CSMD1: variants seen among roughly 807,000 people sequenced by gnomAD.
The protein encoded by CSMD1 is CUB and sushi domain-containing protein 1.
A neutral mutation model predicts 417.5 loss-of-function variants in CSMD1; 213 were observed. The ratio of observed to expected loss-of-function variants is 0.51; its 90% CI spans 0.46 to 0.57. The LOEUF (loss-of-function observed/expected upper bound fraction) is 0.57, where lower values mean the gene tolerates loss of function less well. CSMD1 is among the 20% of genes least tolerant of loss of function. The pLI, the probability that CSMD1 is intolerant of heterozygous loss-of-function variation, is 0.00. For synonymous variants in CSMD1, 2,862 were observed against 1,736.8 expected, an observed-to-expected ratio of 1.65 and a Z score of -16.11; for missense variants, 6,923 against 4,529.7, an observed-to-expected ratio of 1.53 and a Z score of -15.17.
At chr8:4,962,114 GT>G (rs5889078) in intron 1 of CSMD1, among the ~76,000 whole-genome samples, 105,770 of 144,860 alleles carry the variant, frequency 0.73, 39,119 homozygotes, top group African/African-American at 0.89. Flanking sequence ...TTTTTTTGTT[GT>G]TTTTTTTTTG....
intron 26 of CSMD1, among the ~76,000 whole-genome samples, chr8:3,257,460 C>G (rs1169405022): frequency 6.6e-6 from 1 of 152,140 alleles, no homozygotes; most frequent in African/African-American, 2.4e-5. Context: ...CAAAATACAA[C>G]CAAGTAATAA....
chr8:4,587,590 A>T (rs575700607), intron 2 of CSMD1, among the ~76,000 whole-genome samples: 3 of 152,304 alleles, frequency 2.0e-5, no homozygotes, highest in East Asian at 3.9e-4. Flanking sequence ...GTGTAAAAGA[A>T]GAAATAAGCT....
chr8:3,149,265 G>T (rs1216197532), intron 40 of CSMD1, among the ~76,000 whole-genome samples: 1 of 151,984 alleles, frequency 6.6e-6, no homozygotes, highest in Non-Finnish European at 1.5e-5. Context: ...AGTAACATTG[G>T]AAAAATAAGT....
intron 8 of CSMD1, among the ~76,000 whole-genome samples, chr8:3,587,530 C>A (rs1212842767): frequency 6.6e-6 from 1 of 151,994 alleles, no homozygotes; most frequent in Non-Finnish European, 1.5e-5. Context: ...GCTTTCCTTT[C>A]TTGCTTAGTG....
intron 3 of CSMD1, among the ~76,000 whole-genome samples, chr8:4,148,056 T>C (rs1398181937): frequency 6.6e-6 from 1 of 151,994 alleles, no homozygotes; most frequent in Non-Finnish European, 1.5e-5. Context: ...GGTAAAGAAA[T>C]ATACAAGCAG....
chr8:4,812,344 T>C (rs1369696789), intron 1 of CSMD1, among the ~76,000 whole-genome samples: 2 of 152,230 alleles, frequency 1.3e-5, no homozygotes, highest in Non-Finnish European at 2.9e-5. Flanking sequence ...ATGCTTCCAG[T>C]CTTTTTGGTA....
chr8:2,967,414 C>T (rs183070186), intron 57 of CSMD1, among the ~76,000 whole-genome samples: 2 of 152,252 alleles, frequency 1.3e-5, no homozygotes, highest in Admixed American at 6.5e-5. Flanking sequence ...CCTCAATTAA[C>T]GATGGTCAGT....
At chr8:4,591,395 G>C (rs917885350) in intron 2 of CSMD1, among the ~76,000 whole-genome samples, 6 of 152,220 alleles carry the variant, frequency 3.9e-5, no homozygotes, top group East Asian at 1.9e-4. Flanking sequence ...AACTATTCCA[G>C]GTGGAGAAGG....
chr8:3,497,524 C>T (rs141009986), intron 10 of CSMD1, among the ~76,000 whole-genome samples: 1 of 152,126 alleles, frequency 6.6e-6, no homozygotes, highest in African/African-American at 2.4e-5. Context: ...CATGTCTCAC[C>T]CTTCTAGGTA....
chr8:3,683,506 A>T (rs1585070490), intron 7 of CSMD1, among the ~76,000 whole-genome samples: 1 of 152,096 alleles, frequency 6.6e-6, no homozygotes, highest in Non-Finnish European at 1.5e-5. Context: ...CCCTCCTCTC[A>T]CTTGGAGGGG....
chr8:2,957,039 G>C (rs1271392151), intron 63 of CSMD1, among the ~76,000 whole-genome samples: 1 of 151,982 alleles, frequency 6.6e-6, no homozygotes, highest in Non-Finnish European at 1.5e-5. Flanking sequence ...TTTTAATACA[G>C]TAAGAATAAG....
At chr8:3,435,334 C>T (rs1047525313) in intron 12 of CSMD1, among the ~76,000 whole-genome samples, 1 of 152,190 alleles carries the variant, frequency 6.6e-6, no homozygotes, top group African/African-American at 2.4e-5. Flanking sequence ...GGGGCTGAAA[C>T]AGATGCCCTG....
At chr8:3,711,162 A>G (rs1801485487) in intron 6 of CSMD1, among the ~76,000 whole-genome samples, 1 of 152,208 alleles carries the variant, frequency 6.6e-6, no homozygotes, top group South Asian at 2.1e-4. Context: ...GGGAGAAACG[A>G]GAGACTGGAA....
chr8:4,609,676 C>T (rs944839967), intron 2 of CSMD1, among the ~76,000 whole-genome samples: 1 of 152,092 alleles, frequency 6.6e-6, no homozygotes, highest in Admixed American at 6.6e-5. Flanking sequence ...TTTTACGCTG[C>T]AGATTGTACA....
chr8:3,189,904 C>A lies in CSMD1; in HGVS notation c.5398+8G>T, dbSNP rs530699474. ...TCTGGCGGGCAGCCGCTTAGGGACA[C>A]TGCTCACCCACACAGCTGGGGATCG... On this transcript the variant is annotated splice_region_variant and intron_variant, in intron 34 of 69. Transcript: ENST00000635120. 2.6e-6 allele frequency: 4 copies of A among 1,567,066 alleles called. No homozygotes were observed. In the South Asian group the frequency reaches 4.7e-5, roughly 18 times the overall value.
chr8:3,117,762 C>G (rs773480776), intron 42 of CSMD1, among the ~76,000 whole-genome samples: 1 of 152,182 alleles, frequency 6.6e-6, no homozygotes, highest in African/African-American at 2.4e-5. Context: ...CACCATCAAA[C>G]GAGAACTTGC....
intron 30 of CSMD1, among the ~76,000 whole-genome samples, chr8:3,210,064 C>T (rs1470804333): frequency 1.3e-5 from 2 of 152,116 alleles, no homozygotes; most frequent in African/African-American, 4.8e-5. Flanking sequence ...AACAAACTGC[C>T]CCAAAATGCA....
intron 23 of CSMD1, among the ~76,000 whole-genome samples, chr8:3,313,809 A>T (rs1805544655): frequency 1.3e-5 from 2 of 152,208 alleles, no homozygotes; most frequent in African/African-American, 4.8e-5. Context: ...TTCTATAAGG[A>T]AACATGCACA....
chr8:4,729,856 C>G (rs1809729719), intron 1 of CSMD1, among the ~76,000 whole-genome samples: 1 of 152,184 alleles, frequency 6.6e-6, no homozygotes, highest in Non-Finnish European at 1.5e-5. Context: ...AAGTCCTAAT[C>G]TTTCTTTTGA....
Sources: allele counts gnomAD v4.1 joint callset (sites outside exome capture counted in the v4.1 genomes callset), GRCh38; gene constraint gnomAD v4.1.1; transcripts MANE v1.5; gene names NCBI Gene and HGNC (gene_info 2026-07-23, HGNC 2026-07-21).